The following TP63 variants were observed in gnomAD, a reference collection of about 807,000 sequenced individuals.
TP63 encodes tumor protein p63.
A neutral mutation model predicts 82.8 loss-of-function variants in TP63; 17 were observed. The observed-to-expected ratio is 0.21, with a 90% CI of 0.14 to 0.31. The LOEUF is 0.31. Among genes scored for constraint, TP63 ranks in the 10% least tolerant of loss-of-function variants. TP63 has a pLI of 1.00. For synonymous variants in TP63, 330 were observed against 321.7 expected, an observed-to-expected ratio of 1.03 and a Z score of -0.28; for missense variants, 648 against 895.3, an observed-to-expected ratio of 0.72 and a Z score of 3.52.
At chr3:189,700,211 T>C (rs539390590) in intron 1 of TP63, among the ~76,000 whole-genome samples, 2 of 152,166 alleles carry the variant, frequency 1.3e-5, no homozygotes, top group Non-Finnish European at 2.9e-5. Flanking sequence ...ATTGAGGTTT[T>C]TAAACAGCAG....
intron 11 of TP63, among the ~76,000 whole-genome samples, 158 bp downstream of exon 11, chr3:189,886,709 CT>C (rs1720481802): frequency 1.3e-5 from 2 of 152,138 alleles, no homozygotes; most frequent in African/African-American, 4.8e-5. Context: ...GAACCTTTCA[CT>C]TTTGAGGTTT....
intron 9 of TP63, among the ~76,000 whole-genome samples, chr3:189,871,749 T>A (rs1255494601): frequency 6.6e-6 from 1 of 152,188 alleles, no homozygotes; most frequent in Non-Finnish European, 1.5e-5. Flanking sequence ...TGAAACAGGA[T>A]CTCACTTTGT....
At chr3:189,815,090 T>G (rs961816960) in intron 4 of TP63, among the ~76,000 whole-genome samples, 1 of 152,182 alleles carries the variant, frequency 6.6e-6, no homozygotes, top group African/African-American at 2.4e-5. Context: ...TCCCCCTTCT[T>G]TCTACTCCCT....
chr3:189,868,763 G>C, intron 8 of TP63, 47 bp downstream of exon 8: 1 of 1,612,800 alleles, frequency 6.2e-7, no homozygotes, highest in Non-Finnish European at 8.5e-7. Context: ...ATCTTCTCCA[G>C]ATGTTGGAGA....
chr3:189,660,165 C>T (rs550540096), intron 1 of TP63, among the ~76,000 whole-genome samples: 1 of 152,048 alleles, frequency 6.6e-6, no homozygotes, highest in Non-Finnish European at 1.5e-5. Flanking sequence ...AGTTTTCTTC[C>T]AGGATTCTTA....
chr3:189,767,849 A>G (rs536808672), intron 3 of TP63, among the ~76,000 whole-genome samples: 4 of 152,140 alleles, frequency 2.6e-5, no homozygotes, highest in Middle Eastern at 3.2e-3. Context: ...TGGACCCTGG[A>G]TTGTAGTCAT....
chr3:189,837,255 A>G (rs766500793), intron 4 of TP63, among the ~76,000 whole-genome samples: 1 of 151,898 alleles, frequency 6.6e-6, no homozygotes, highest in Non-Finnish European at 1.5e-5. Flanking sequence ...GCCTACCAAA[A>G]TTATGTCACA....
upstream of TP63, among the ~76,000 whole-genome samples, chr3:189,630,437 A>G (rs1408862736): frequency 6.6e-6 from 1 of 152,154 alleles, no homozygotes; most frequent in African/African-American, 2.4e-5. Context: ...GACTTTCCTG[A>G]TATTACACTG....
intron 4 of TP63, among the ~76,000 whole-genome samples, chr3:189,850,430 A>G (rs568312391): frequency 6.6e-6 from 1 of 152,356 alleles, no homozygotes; most frequent in South Asian, 2.1e-4. Context: ...AATATAAAGC[A>G]AAAAGTACTC....
At chr3:189,846,023 A>G (rs954771360) in intron 4 of TP63, among the ~76,000 whole-genome samples, 4 of 152,042 alleles carry the variant, frequency 2.6e-5, no homozygotes, top group African/African-American at 7.3e-5. Flanking sequence ...ACCTCTATGC[A>G]TTGTGATACT....
the TP63 span, among the ~76,000 whole-genome samples, chr3:189,621,657 CTCTT>C: frequency 2.5e-4 from 38 of 152,008 alleles, no homozygotes; most frequent in Non-Finnish European, 5.1e-4. Context: ...TTTATTCTCT[CTCTT>C]CTCATATTTC....
chr3:189,751,619 T>C (rs1183149642), intron 3 of TP63, among the ~76,000 whole-genome samples: 1 of 152,254 alleles, frequency 6.6e-6, no homozygotes, highest in Admixed American at 6.5e-5. Context: ...AAATGTCTTC[T>C]TTTGAGAAGT....
In TP63 at chr3:189,738,683, A is replaced by T. The variant is rs768926448; in HGVS notation, c.233A>T (p.Asp78Val). ...SVQPIDLNFV[D>V]EPSEDGATNK... ...CAGCCCATTGACTTGAACTTTGTGGATGAACCATCAGAAGATGGTGCGACA... is the reference window on the plus strand; with the variant it reads ...CAGCCCATTGACTTGAACTTTGTGGTTGAACCATCAGAAGATGGTGCGACA... Residue 78 changes from aspartate to valine, a missense_variant, in exon 3 of 14, where the codon GAT becomes GTT. This residue lies in a region of TP63 where 182 missense variants were observed against 213.6 expected (regional missense o/e 0.85). Transcript: ENST00000264731. 1.7e-5 allele frequency: 28 copies of T among 1,614,102 alleles called. No individual in the cohort carries two copies. The East Asian group carries it at 6.2e-4, about 36-fold the overall frequency.
At chr3:189,649,974 G>A (rs572222548) in intron 1 of TP63, among the ~76,000 whole-genome samples, 8 of 147,338 alleles carry the variant, frequency 5.4e-5, no homozygotes, top group Admixed American at 4.7e-4. Context: ...GGAAATAAAT[G>A]TATAGACCAA....
intron 4 of TP63, among the ~76,000 whole-genome samples, chr3:189,847,200 A>T (rs1714999102): frequency 1.3e-5 from 2 of 152,178 alleles, no homozygotes; most frequent in South Asian, 2.1e-4. Flanking sequence ...TTTACCCAAA[A>T]TACAAAAATT....
chr3:189,873,929 G>A (rs1486966406), intron 10 of TP63, among the ~76,000 whole-genome samples: 1 of 151,860 alleles, frequency 6.6e-6, no homozygotes, highest in Non-Finnish European at 1.5e-5. Flanking sequence ...TCATACTTTA[G>A]GCAAAAAAGA....
the TP63 span, among the ~76,000 whole-genome samples, chr3:189,602,650 A>G: frequency 0.066 from 10,065 of 152,286 alleles, 441 homozygotes; most frequent in Middle Eastern, 0.2. Context: ...AGCAAGTATT[A>G]ATTCTCTTTG....
At chr3:189,880,631 A>G (rs977310455) in intron 10 of TP63, 2 of 985,736 alleles carry the variant, frequency 2.0e-6, no homozygotes, top group African/African-American at 3.5e-5. Context: ...TTGTCTGTGC[A>G]TAAGTAAGTT....
chr3:189,725,386 AAT>A (rs1339644319), intron 1 of TP63, among the ~76,000 whole-genome samples: 1 of 152,198 alleles, frequency 6.6e-6, no homozygotes, highest in Non-Finnish European at 1.5e-5. Flanking sequence ...TAGGAATATA[AAT>A]ATGTAAAAAT....
Sources: gnomAD v4.1 joint callset for allele counts (sites outside exome capture counted in the v4.1 genomes callset) on GRCh38, gnomAD v4.1.1 for gene constraint, gnomAD v4.1.1 regional missense constraint, MANE v1.5 for transcripts, NCBI Gene and HGNC (gene_info 2026-07-23, HGNC 2026-07-21) for gene names.